The following PDE4D variants were observed in gnomAD, a reference collection of about 807,000 sequenced individuals.
PDE4D encodes the protein phosphodiesterase 4D, also known as 3',5'-cyclic-AMP phosphodiesterase 4D.
In PDE4D, 24 loss-of-function variants were observed where a neutral mutation model predicts 87.4. That is an observed-to-expected ratio of 0.27 (90% CI 0.20 to 0.39). The LOEUF (loss-of-function observed/expected upper bound fraction) is 0.39, where lower values mean the gene tolerates loss of function less well. PDE4D is among the 10% of genes least tolerant of loss of function. PDE4D has a pLI of 1.00. For synonymous variants in PDE4D, 384 were observed against 383.2 expected (o/e 1.00, Z -0.02); for missense variants, 714 against 1,041.0 (o/e 0.69, Z 4.32).
Position 59,456,343 on chromosome 5 carries a change from G to T in PDE4D, c.456-240375C>A, listed in dbSNP as rs183462544. Among the ~76,000 whole-genome samples the T allele has an allele frequency of 3.7e-3, 557 of 152,240 alleles. 1 individual carries two copies. The highest frequency in any genetic ancestry group is 5.2e-3 in the Non-Finnish European group (356 of 68,028). Reference sequence around the variant, plus strand: ...TAAGATCTGATGGCTTTAAAAATGGGAGTTTCCCTGCACAAGCTCTCTCTT... The same window carrying T: ...TAAGATCTGATGGCTTTAAAAATGGTAGTTTCCCTGCACAAGCTCTCTCTT... On this transcript the variant is annotated intron_variant, in intron 1 of 14. Coordinates refer to ENST00000340635, the MANE Select transcript of PDE4D (RefSeq NM_001104631.2).
At chr5:59,362,613 T>C (rs1396520485) in intron 1 of PDE4D, among the ~76,000 whole-genome samples, 4 of 152,184 alleles carry the variant, frequency 2.6e-5, no homozygotes, top group Admixed American at 2.0e-4. Context: ...TTTCTACTTA[T>C]TTTTTGAAAA....
At chr5:60,081,153 T>C (rs1458903248) in intron 2 of PDE4D, among the ~76,000 whole-genome samples, 3 of 151,874 alleles carry the variant, frequency 2.0e-5, no homozygotes, top group African/African-American at 7.2e-5. Context: ...CTAGATTTTC[T>C]AGTGTATTTG....
chr5:59,012,661 T>G (rs1042046270), intron 6 of PDE4D, among the ~76,000 whole-genome samples: 1 of 152,136 alleles, frequency 6.6e-6, no homozygotes, highest in Non-Finnish European at 1.5e-5. Context: ...AGCAAGTCCT[T>G]AGAGACCTAC....
intron 2 of PDE4D, among the ~76,000 whole-genome samples, chr5:59,198,455 T>C (rs1474501647): frequency 1.3e-5 from 2 of 152,220 alleles, no homozygotes; most frequent in Non-Finnish European, 2.9e-5. Context: ...TGAGCCACTG[T>C]AGGTCACTGT....
At chr5:59,989,916 GTTTC>G (rs1191995380) in intron 2 of PDE4D, among the ~76,000 whole-genome samples, 1 of 152,082 alleles carries the variant, frequency 6.6e-6, no homozygotes, top group African/African-American at 2.4e-5. Context: ...TAAGGCTTCT[GTTTC>G]TTTATTATAA....
chr5:59,299,281 C>G (rs1029899097), intron 1 of PDE4D, among the ~76,000 whole-genome samples: 1 of 152,092 alleles, frequency 6.6e-6, no homozygotes, highest in Non-Finnish European at 1.5e-5. Flanking sequence ...GTGAAAAGCA[C>G]CCCAGCTTCC....
At position 59,215,808 on chromosome 5, in the gene PDE4D, T is replaced by C; in HGVS notation, c.616A>G (p.Met206Val). Reference sequence around the variant, plus strand: ...CTGGCAATGGAGGAGTTCCGGGACATAGACTTTGGAGAGAGGTCATAATCG... The same window carrying C: ...CTGGCAATGGAGGAGTTCCGGGACACAGACTTTGGAGAGAGGTCATAATCG... Reference protein sequence around the residue: ...DSDYDLSPKSMSRNSSIASDI... With the variant: ...DSDYDLSPKSVSRNSSIASDI... Residue 206 changes from methionine to valine, a missense_variant, in exon 2 of 15, where the codon ATG becomes GTG. This residue lies in a region of PDE4D where 90 missense variants were observed against 177.6 expected (regional missense o/e 0.51). Coordinates refer to ENST00000340635, the MANE Select transcript of PDE4D (RefSeq NM_001104631.2). 3 of 1,613,684 alleles carry C rather than the reference T, an allele frequency of 1.9e-6. No homozygotes were observed. The highest frequency in any genetic ancestry group is 2.5e-6 in the Non-Finnish European group (3 of 1,179,674).
intron 2 of PDE4D, among the ~76,000 whole-genome samples, chr5:60,012,149 C>T (rs1309505858): frequency 1.3e-5 from 2 of 152,132 alleles, no homozygotes; most frequent in Non-Finnish European, 2.9e-5. Flanking sequence ...CTAAAAATTA[C>T]TCCCTATCAA....
chr5:59,357,017 G>T (rs1261797918), intron 1 of PDE4D: 3 of 752,544 alleles, frequency 4.0e-6, no homozygotes, highest in Non-Finnish European at 5.7e-6. Flanking sequence ...CTGAGGCAGG[G>T]CTGGAAGGGA....
intron 5 of PDE4D, among the ~76,000 whole-genome samples, chr5:59,120,606 C>G (rs576406546): frequency 6.6e-6 from 1 of 151,836 alleles, no homozygotes; most frequent in Non-Finnish European, 1.5e-5. Context: ...TTGTACTGCT[C>G]AAAGCAATCT....
intron 5 of PDE4D, among the ~76,000 whole-genome samples, chr5:59,083,372 A>C (rs1263730095): frequency 6.6e-6 from 1 of 152,038 alleles, no homozygotes; most frequent in African/African-American, 2.4e-5. Context: ...TTTCAATCTG[A>C]GGACTTGAAT....
At chr5:60,479,162 A>G (rs527868886) in intron 1 of PDE4D, among the ~76,000 whole-genome samples, 3 of 152,158 alleles carry the variant, frequency 2.0e-5, no homozygotes, top group South Asian at 4.2e-4. Flanking sequence ...GGAGGGGGGA[A>G]GTTTTCATGT....
At chr5:60,481,527 C>T (rs890786132) in intron 1 of PDE4D, among the ~76,000 whole-genome samples, 1 of 152,170 alleles carries the variant, frequency 6.6e-6, no homozygotes. Context: ...TACCTGTACA[C>T]TTACTTTATA....
chr5:58,990,184 T>TA (rs1316337186), intron 9 of PDE4D, among the ~76,000 whole-genome samples: 1 of 152,144 alleles, frequency 6.6e-6, no homozygotes, highest in Non-Finnish European at 1.5e-5. Context: ...GTGCCAACTC[T>TA]AAAAGTTTCT....
chr5:59,270,262 C>G (rs1419721259), intron 1 of PDE4D, among the ~76,000 whole-genome samples: 1 of 152,072 alleles, frequency 6.6e-6, no homozygotes, highest in African/African-American at 2.4e-5. Flanking sequence ...ATACCTAAAC[C>G]AAATCATAAT....
rs142613050 is a variant in PDE4D, at chr5:60,167,266, C to CTTT, written c.42+18288_42+18290dup. On this transcript the variant is annotated intron_variant, in intron 2 of 16. Transcript: ENST00000502484. ...TTCCTCTCCTTGAACTGTGTATTTTCTTTTTTTTTTTTTTTTTTTTTGAGA... is the reference window on the plus strand; with the variant it reads ...TTCCTCTCCTTGAACTGTGTATTTTCTTTTTTTTTTTTTTTTTTTTTTTTGAGA... 2.3e-3 allele frequency among the ~76,000 whole-genome samples: 196 copies of CTTT among 86,494 alleles called. 1 individual carries two copies. The highest frequency in any genetic ancestry group is 3.6e-3 in the African/African-American group (77 of 21,408). 56.7% of individuals were successfully genotyped at this position (86,494 alleles called of 152,430 possible). A position where few individuals can be genotyped will look rare whatever the true frequency, so the allele number is the denominator to read the frequency against.
rs147766605 is a variant in PDE4D at position 59,214,465 on chromosome 5, G to C, written c.647+1312C>G. On this transcript the variant is annotated intron_variant, in intron 2 of 14. Coordinates refer to ENST00000340635, the MANE Select transcript of PDE4D (RefSeq NM_001104631.2). ...CCGGTATTTTCTGTATCTTTCCCTTGGGTGGAAAACTCTCCATCTCCTCTC... is the reference window on the plus strand; with the variant it reads ...CCGGTATTTTCTGTATCTTTCCCTTCGGTGGAAAACTCTCCATCTCCTCTC... Among the ~76,000 whole-genome samples, 884 of 152,098 alleles carry C rather than the reference G, an allele frequency of 5.8e-3. 3 individuals are homozygous for C. The highest frequency in any genetic ancestry group is 9.1e-3 in the Non-Finnish European group (616 of 68,004).
chr5:59,190,027 G>C (rs1708312379), intron 3 of PDE4D, among the ~76,000 whole-genome samples: 1 of 152,178 alleles, frequency 6.6e-6, no homozygotes, highest in South Asian at 2.1e-4. Flanking sequence ...ATCTATCTTT[G>C]CACGGCTTCC....
intron 1 of PDE4D, among the ~76,000 whole-genome samples, chr5:59,887,739 T>TTGTG (rs542926434): frequency 3.4e-5 from 5 of 148,934 alleles, no homozygotes; most frequent in Admixed American, 1.3e-4. Context: ...GTGTGTGTGT[T>TTGTG]TGTGTGTGTG....
Sources: gnomAD v4.1 joint callset for allele counts (sites outside exome capture counted in the v4.1 genomes callset) on GRCh38, gnomAD v4.1.1 for gene constraint, gnomAD v4.1.1 regional missense constraint, MANE v1.5 for transcripts, NCBI Gene and HGNC (gene_info 2026-07-23, HGNC 2026-07-21) for gene names.